The following KCNH5 variants were observed in gnomAD, a reference collection of about 807,000 sequenced individuals.
KCNH5 encodes voltage-gated delayed rectifier potassium channel KCNH5.
A neutral mutation model predicts 96.1 loss-of-function variants in KCNH5; 46 were observed. The observed-to-expected ratio is 0.48, with a 90% CI of 0.38 to 0.61. The LOEUF (loss-of-function observed/expected upper bound fraction) is 0.61, where lower values mean the gene tolerates loss of function less well. KCNH5 is among the 20% of genes least tolerant of loss of function. The pLI is 0.00. For missense variants in KCNH5, 907 were observed against 1,225.8 expected, an observed-to-expected ratio of 0.74 and a Z score of 3.88; for synonymous variants, 439 against 449.8, an observed-to-expected ratio of 0.98 and a Z score of 0.30.
At chr14:62,871,089 A>C (rs534551042) in intron 7 of KCNH5, among the ~76,000 whole-genome samples, 19 of 152,352 alleles carry the variant, frequency 1.2e-4, no homozygotes, top group African/African-American at 4.1e-4. Context: ...GAAGAAAATG[A>C]AAAGTCAAAC....
chr14:63,006,294 G>T, intron 3 of KCNH5, 72 bp downstream of exon 3: 2 of 882,618 alleles, frequency 2.3e-6, no homozygotes, highest in Non-Finnish European at 3.6e-6. Flanking sequence ...CTACATTTTA[G>T]CTCCACTACG....
rs889806574 is a variant in KCNH5 at position 62,806,914 on chromosome 14, C to T, written c.1570-4333G>A. 2.0e-5 allele frequency among the ~76,000 whole-genome samples: 3 copies of T among 152,028 alleles called. No individual in the cohort carries two copies. In the East Asian group the frequency reaches 5.8e-4, roughly 29 times the overall value. The stretch of plus-strand genomic sequence containing the variant: ...TGTGGGTGACAGGGTTAGGCATGTA[C>T]AGGATTGTGGGATATGGGGAGGTTT... On this transcript the variant is annotated intron_variant, in intron 8 of 10. Transcript: ENST00000322893.
rs190909752 is a variant in KCNH5, at chr14:62,946,521, T to C, written c.1369+3612A>G. ...CTTTGTGTTTTTTGTGTGGTTTTTT[T>C]TTTTATTTTCAGTTCCAGGGTACAT... On this transcript the variant is annotated intron_variant, in intron 7 of 10. Transcript: ENST00000322893. 6.2e-4 allele frequency among the ~76,000 whole-genome samples: 94 copies of C among 152,158 alleles called. 1 individual carries two copies. Among genetic ancestry groups the C allele is most frequent in the Non-Finnish European group, 1.1e-3 (77 of 67,988 alleles).
intron 9 of KCNH5, among the ~76,000 whole-genome samples, chr14:62,784,722 T>C (rs1254055108): frequency 6.6e-6 from 1 of 152,168 alleles, no homozygotes; most frequent in Non-Finnish European, 1.5e-5. Context: ...TATGGGCCAT[T>C]TTTAATTACA....
intron 6 of KCNH5, among the ~76,000 whole-genome samples, chr14:62,952,423 C>A (rs76050725): frequency 0.019 from 2,848 of 152,228 alleles, 56 homozygotes; most frequent in East Asian, 0.08. Context: ...ATTTATGGAG[C>A]ACTCCTATAT....
chr14:62,946,859 AC>A (rs1336915544), intron 7 of KCNH5, among the ~76,000 whole-genome samples: 11 of 152,152 alleles, frequency 7.2e-5, no homozygotes, highest in African/African-American at 2.7e-4. Flanking sequence ...TATATAACAT[AC>A]TCAAAATCAC....
At chr14:62,802,008 C>T (rs1305376564) in intron 9 of KCNH5, among the ~76,000 whole-genome samples, 2 of 152,232 alleles carry the variant, frequency 1.3e-5, no homozygotes, top group East Asian at 1.9e-4. Context: ...ATCACTACCA[C>T]GTCAATCATT....
intron 10 of KCNH5, among the ~76,000 whole-genome samples, chr14:62,746,368 T>C (rs1885375576): frequency 6.6e-6 from 1 of 152,208 alleles, no homozygotes; most frequent in Admixed American, 6.5e-5. Flanking sequence ...TCACATGCTT[T>C]GCCCTCAAGT....
At chr14:62,772,867 G>A (rs1234362097) in intron 10 of KCNH5, among the ~76,000 whole-genome samples, 1 of 152,150 alleles carries the variant, frequency 6.6e-6, no homozygotes, top group Non-Finnish European at 1.5e-5. Flanking sequence ...GCAGGTGACA[G>A]ATATGCTGTG....
In KCNH5 at chr14:62,700,927, G is replaced by C. The variant is rs1281119353; in HGVS notation, c.*6581C>G. 3 of 152,202 alleles carry C rather than the reference G, an allele frequency of 2.0e-5. No homozygotes were observed. The highest frequency in any genetic ancestry group is 4.4e-5 in the Non-Finnish European group (3 of 68,014). 9.4% of individuals were successfully genotyped at this position (152,202 alleles called of 1,614,324 possible). A position where few individuals can be genotyped will look rare whatever the true frequency, so the allele number is the denominator to read the frequency against. On this transcript the variant is annotated 3_prime_UTR_variant, in exon 11 of 11. Coordinates refer to ENST00000322893, the MANE Select transcript of KCNH5 (RefSeq NM_139318.5). ...GACCAAAAGCTTTGGATAGAGGGAA[G>C]TGGTTACATTTTATATTATGAAATA...
At chr14:62,732,174 C>T (rs1392987944) in intron 10 of KCNH5, among the ~76,000 whole-genome samples, 1 of 152,158 alleles carries the variant, frequency 6.6e-6, no homozygotes, top group African/African-American at 2.4e-5. Context: ...CACGTTTATG[C>T]CTTCTGTATC....
chr14:62,721,484 C>T (rs1427557524), intron 10 of KCNH5, among the ~76,000 whole-genome samples: 1 of 108,940 alleles, frequency 9.2e-6, no homozygotes, highest in Non-Finnish European at 1.9e-5. Context: ...CTTTCTCTCT[C>T]TCTCTCACTC....
chr14:63,021,930 T>C lies in KCNH5; in HGVS notation c.74-4976A>G, dbSNP rs189189139. ...TTAGAGTGCCTTCTTTACCAATAAGTAGACATTAGAGTGCCTAAGTCCTCT... is the reference window on the plus strand; with the variant it reads ...TTAGAGTGCCTTCTTTACCAATAAGCAGACATTAGAGTGCCTAAGTCCTCT... On this transcript the variant is annotated intron_variant, in intron 1 of 10. Coordinates refer to ENST00000322893, the MANE Select transcript of KCNH5 (RefSeq NM_139318.5). Among the ~76,000 whole-genome samples, 716 of 152,276 alleles carry C rather than the reference T, an allele frequency of 4.7e-3. 16 individuals carry two copies. The highest frequency in any genetic ancestry group is 0.039 in the Admixed American group (600 of 15,282).
chr14:62,797,007 C>G (rs1305404219), intron 9 of KCNH5, among the ~76,000 whole-genome samples: 1 of 152,066 alleles, frequency 6.6e-6, no homozygotes, highest in Non-Finnish European at 1.5e-5. Context: ...GGCAGATTTG[C>G]CCTAAGCAGT....
At chr14:62,999,236 T>C (rs1448592746) in intron 4 of KCNH5, among the ~76,000 whole-genome samples, 3 of 152,236 alleles carry the variant, frequency 2.0e-5, no homozygotes, top group Non-Finnish European at 4.4e-5. Flanking sequence ...TTCTAACTGG[T>C]GCGAGATGGT....
chr14:62,892,185 T>G (rs1215798155), intron 7 of KCNH5, among the ~76,000 whole-genome samples: 3 of 152,234 alleles, frequency 2.0e-5, no homozygotes, highest in African/African-American at 7.2e-5. Flanking sequence ...GAAAAGTTCT[T>G]GAAGAACTAG....
chr14:62,936,980 C>CAAAAAA (rs5809179), intron 7 of KCNH5, among the ~76,000 whole-genome samples: 5 of 62,250 alleles, frequency 8.0e-5, no homozygotes, highest in Non-Finnish European at 1.2e-4. Flanking sequence ...GACTCCATCT[C>CAAAAAA]AAAAAAAAAA....
chr14:62,870,435 G>A (rs1003625521), intron 7 of KCNH5, among the ~76,000 whole-genome samples: 1 of 152,158 alleles, frequency 6.6e-6, no homozygotes, highest in African/African-American at 2.4e-5. Context: ...TTGATTAGAA[G>A]CTTATGTGTC....
rs1888507143 is a variant in KCNH5 at position 62,882,168 on chromosome 14, G to A, written c.1370-32316C>T. On this transcript the variant is annotated intron_variant, in intron 7 of 10. Coordinates refer to ENST00000322893, the MANE Select transcript of KCNH5 (RefSeq NM_139318.5). ...TATGAGCCAGTAGTCTCAGCTACTTGGGAAGCTGAGGCTTGGGCCCACATG... is the reference window on the plus strand; with the variant it reads ...TATGAGCCAGTAGTCTCAGCTACTTAGGAAGCTGAGGCTTGGGCCCACATG... 3.4e-5 allele frequency among the ~76,000 whole-genome samples: 5 copies of A among 148,168 alleles called. No individual in the cohort carries two copies. The South Asian group carries it at 1.1e-3, about 32-fold the overall frequency.
Sources: gnomAD v4.1 joint callset for allele counts (sites outside exome capture counted in the v4.1 genomes callset) on GRCh38, gnomAD v4.1.1 for gene constraint, MANE v1.5 for transcripts, NCBI Gene and HGNC (gene_info 2026-07-23, HGNC 2026-07-21) for gene names.